LRMDA: variants seen among roughly 807,000 people sequenced by gnomAD.
LRMDA encodes the protein leucine rich melanocyte differentiation associated, also known as leucine-rich melanocyte differentiation-associated protein.
A neutral mutation model predicts 29.8 loss-of-function variants in LRMDA; 18 were observed. That is an observed-to-expected ratio of 0.60 (90% CI 0.42 to 0.90). The LOEUF (loss-of-function observed/expected upper bound fraction) is 0.90. LRMDA is among the 40% of genes least tolerant of loss of function. LRMDA has a pLI of 0.00. For synonymous variants in LRMDA, 125 were observed against 109.4 expected, an observed-to-expected ratio of 1.14 and a Z score of -0.89; for missense variants, 273 against 273.9, an observed-to-expected ratio of 1.00 and a Z score of 0.02.
At position 75,694,620 on chromosome 10, in the gene LRMDA, C is replaced by G. The variant is rs193155089; in HGVS notation, c.131+256126C>G. Reference sequence around the variant, plus strand: ...CTCTAATAGAGTACGGGGAATCTCTCAGGTAGATTTTGCACACAGGGACAT... The same window carrying G: ...CTCTAATAGAGTACGGGGAATCTCTGAGGTAGATTTTGCACACAGGGACAT... On this transcript the variant is annotated intron_variant, in intron 2 of 6. Coordinates refer to ENST00000611255, the MANE Select transcript of LRMDA (RefSeq NM_001305581.2). 1.3e-3 allele frequency among the ~76,000 whole-genome samples: 192 copies of G among 152,242 alleles called. 1 individual carries two copies. Among genetic ancestry groups the G allele is most frequent in the African/African-American group, 4.1e-3 (171 of 41,552 alleles).
chr10:75,911,662 GT>G (rs1845845103), intron 2 of LRMDA, among the ~76,000 whole-genome samples: 1 of 152,194 alleles, frequency 6.6e-6, no homozygotes, highest in Non-Finnish European at 1.5e-5. Flanking sequence ...GGGGTAGTAA[GT>G]TAAATCACTC....
intron 2 of LRMDA, among the ~76,000 whole-genome samples, chr10:75,468,391 G>T (rs930648971): frequency 2.0e-5 from 3 of 152,106 alleles, no homozygotes; most frequent in Non-Finnish European, 4.4e-5. Context: ...TGTGGTCATT[G>T]CATGTAGGGG....
At chr10:75,861,739 C>G (rs1397127314) in intron 2 of LRMDA, among the ~76,000 whole-genome samples, 3 of 152,128 alleles carry the variant, frequency 2.0e-5, no homozygotes, top group African/African-American at 7.2e-5. Flanking sequence ...ACTGTGGTGG[C>G]CCCCAATGAA....
At chr10:75,526,867 A>G (rs868789880) in intron 2 of LRMDA, among the ~76,000 whole-genome samples, 2,906 of 152,162 alleles carry the variant, frequency 0.019, 95 homozygotes, top group African/African-American at 0.067. Flanking sequence ...TCAAAAAAAA[A>G]AAAAACAAAA....
rs142297091 is a variant in LRMDA, at chr10:75,985,618, G to A, written c.132-50390G>A. 8.5e-5 allele frequency among the ~76,000 whole-genome samples: 13 copies of A among 152,320 alleles called. No individual in the cohort carries two copies. In the East Asian group the frequency reaches 2.5e-3, roughly 29 times the overall value. On this transcript the variant is annotated intron_variant, in intron 2 of 6. Coordinates refer to ENST00000611255, the MANE Select transcript of LRMDA (RefSeq NM_001305581.2). ...ACTGGGTCTTCCAGTCCCTGATTGGGCCACATACCCACCAACCTCAGCAGT... is the reference window on the plus strand; with the variant it reads ...ACTGGGTCTTCCAGTCCCTGATTGGACCACATACCCACCAACCTCAGCAGT...
chr10:75,476,859 A>G (rs4745775), intron 2 of LRMDA, among the ~76,000 whole-genome samples: 70,958 of 151,974 alleles, frequency 0.47, 18,908 homozygotes, highest in African/African-American at 0.74. Context: ...TGAAAGTGTC[A>G]GGAGAATTGA....
At chr10:76,327,536 C>T (rs958030847) in intron 6 of LRMDA, among the ~76,000 whole-genome samples, 51 of 152,336 alleles carry the variant, frequency 3.3e-4, no homozygotes, top group African/African-American at 1.1e-3. Context: ...CCTAGAAAGG[C>T]CATAAGCTGT....
chr10:76,549,140 C>T (rs943628178), intron 6 of LRMDA, among the ~76,000 whole-genome samples: 3 of 152,102 alleles, frequency 2.0e-5, no homozygotes, highest in Non-Finnish European at 4.4e-5. Context: ...AGCCTCATTT[C>T]AGCTGCCCTG....
At chr10:76,281,607 A>G (rs1339486043) in intron 5 of LRMDA, among the ~76,000 whole-genome samples, 1 of 152,142 alleles carries the variant, frequency 6.6e-6, no homozygotes, top group East Asian at 1.9e-4. Flanking sequence ...TTCAGTTCAA[A>G]GAGACATGGT....
intron 2 of LRMDA, among the ~76,000 whole-genome samples, chr10:75,749,530 T>C (rs924085389): frequency 2.0e-5 from 3 of 152,188 alleles, no homozygotes; most frequent in Admixed American, 6.5e-5. Flanking sequence ...TATGTATTTA[T>C]TTTGTGTATT....
intron 2 of LRMDA, among the ~76,000 whole-genome samples, chr10:76,028,674 C>T (rs1848100447): frequency 6.6e-6 from 1 of 152,044 alleles, no homozygotes; most frequent in Non-Finnish European, 1.5e-5. Context: ...AGAATCTACC[C>T]ATAGAGCAAT....
chr10:75,938,524 G>T (rs1450523629), intron 2 of LRMDA, among the ~76,000 whole-genome samples: 1 of 152,154 alleles, frequency 6.6e-6, no homozygotes. Context: ...GAGCTATAGC[G>T]CCTGGTCCGG....
At chr10:75,806,835 C>G (rs1257626436) in intron 2 of LRMDA, among the ~76,000 whole-genome samples, 1 of 148,372 alleles carries the variant, frequency 6.7e-6, no homozygotes. Flanking sequence ...AAACCACACA[C>G]AAAAAAACCT....
chr10:76,202,404 T>C (rs1258292000), intron 5 of LRMDA, among the ~76,000 whole-genome samples: 1 of 152,178 alleles, frequency 6.6e-6, no homozygotes, highest in East Asian at 1.9e-4. Flanking sequence ...CATTAATGAA[T>C]TGAAAGATTG....
At chr10:76,082,532 TTGC>T (rs1309290596) in intron 5 of LRMDA, among the ~76,000 whole-genome samples, 2 of 152,144 alleles carry the variant, frequency 1.3e-5, no homozygotes, top group Non-Finnish European at 2.9e-5. Flanking sequence ...TAGATGTTTA[TTGC>T]TCACCGAGAA....
chr10:75,461,976 A>G (rs888137361), intron 2 of LRMDA, among the ~76,000 whole-genome samples: 7 of 152,340 alleles, frequency 4.6e-5, no homozygotes, highest in African/African-American at 1.7e-4. Flanking sequence ...GCATACCTAC[A>G]TTTACCTGCA....
chr10:76,388,168 G>T (rs1161835717), intron 6 of LRMDA, among the ~76,000 whole-genome samples: 1 of 152,162 alleles, frequency 6.6e-6, no homozygotes, highest in Non-Finnish European at 1.5e-5. Context: ...TAAGTGCTTG[G>T]ATAATATAGT....
intron 6 of LRMDA, among the ~76,000 whole-genome samples, chr10:76,427,085 G>A (rs570079147): frequency 2.3e-4 from 35 of 152,214 alleles, no homozygotes; most frequent in Middle Eastern, 3.4e-3. Context: ...TTGGCGATGC[G>A]GACTCTTTTT....
intron 5 of LRMDA, among the ~76,000 whole-genome samples, chr10:76,282,243 A>G (rs1015856052): frequency 1.2e-4 from 18 of 152,164 alleles, no homozygotes; most frequent in African/African-American, 7.2e-5. Flanking sequence ...TTGCAGTTCT[A>G]TTTGGTTTGT....
Sources: gnomAD v4.1 joint callset for allele counts (sites outside exome capture counted in the v4.1 genomes callset) on GRCh38, gnomAD v4.1.1 for gene constraint, MANE v1.5 for transcripts, NCBI Gene and HGNC (gene_info 2026-07-23, HGNC 2026-07-21) for gene names.